Variants in IGSF3 observed in about 807,000 individuals in gnomAD.
IGSF3 encodes the protein glu-Trp-Ile EWI motif-containing protein 3.
A neutral mutation model predicts 114.4 loss-of-function variants in IGSF3; 23 were observed. That is an observed-to-expected ratio of 0.20 (90% confidence interval 0.14 to 0.28). IGSF3 has a LOEUF of 0.28. IGSF3 is among the 10% of genes least tolerant of loss of function. IGSF3 has a pLI of 1.00. For synonymous variants in IGSF3, 571 were observed against 645.2 expected, an observed-to-expected ratio of 0.88 and a Z score of 1.74; for missense variants, 1,172 against 1,591.5, an observed-to-expected ratio of 0.74 and a Z score of 4.48.
intron 4 of IGSF3, among the ~76,000 whole-genome samples, chr1:116,609,040 T>G (rs1293551227): frequency 6.6e-6 from 1 of 151,884 alleles, no homozygotes; most frequent in African/African-American, 2.4e-5. Context: ...AGTACTTACT[T>G]TAGTAGGAAA....
chr1:116,653,362 T>C (rs1395542154), intron 2 of IGSF3, among the ~76,000 whole-genome samples: 1 of 151,862 alleles, frequency 6.6e-6, no homozygotes, highest in Non-Finnish European at 1.5e-5. Flanking sequence ...AGGAGGCACA[T>C]ATAGTTCTGA....
chr1:116,628,986 A>G lies in IGSF3; in HGVS notation c.44-12529T>C, dbSNP rs1647430671. ...AATTCTGCAGCAGCCCAGAGAAGAC[A>G]ACTGGGAAACAGGGCCCTCGCAGAT... On this transcript the variant is annotated intron_variant, in intron 2 of 10. Coordinates refer to ENST00000369486, the MANE Select transcript of IGSF3 (RefSeq NM_001007237.3). This position sits in a 1 kb window ranked among gnomAD's most constrained non-coding sequence, Gnocchi z 4.2. Among the ~76,000 whole-genome samples, 1 of 152,196 alleles carries G rather than the reference A, an allele frequency of 6.6e-6. No individual in the cohort carries two copies. Among genetic ancestry groups the G allele is most frequent in the Non-Finnish European group, 1.5e-5 (1 of 68,040 alleles).
rs142821157 is a variant in IGSF3, at chr1:116,637,324, T to C, written c.44-20867A>G. 8.7e-3 allele frequency among the ~76,000 whole-genome samples: 1,324 copies of C among 152,286 alleles called. 23 individuals carry two copies. The highest frequency in any genetic ancestry group is 0.031 in the African/African-American group (1,269 of 41,544). ...CAGGACAACCCCAATCTCTTATTTA[T>C]TCAATGGACAACAGGTGAGCACATA... On this transcript the variant is annotated intron_variant, in intron 2 of 10. Transcript: ENST00000369486.
rs1659731881 is a variant in IGSF3 at position 116,584,547 on chromosome 1, A to G, written c.2848+98T>C. 1 of 1,215,714 alleles carries G rather than the reference A, an allele frequency of 8.2e-7. No individual in the cohort carries two copies. The highest frequency in any genetic ancestry group is 1.2e-6 in the Non-Finnish European group (1 of 850,544). The allele number at this position is 1,215,714 out of a possible 1,614,324, so 75.3% of individuals were successfully genotyped here. On this transcript the variant is annotated intron_variant, in intron 9 of 10. Coordinates refer to ENST00000369486, the MANE Select transcript of IGSF3 (RefSeq NM_001007237.3). This position sits in a 1 kb window ranked among gnomAD's most constrained non-coding sequence, Gnocchi z 5.8. Reference sequence around the variant, plus strand: ...TAGACACTCATATATTTAACTGCAAATAATTTATTAATAAACTAATTTTAT... The same window carrying G: ...TAGACACTCATATATTTAACTGCAAGTAATTTATTAATAAACTAATTTTAT...
chr1:116,614,198 G>A lies in IGSF3; in HGVS notation c.422-23C>T, dbSNP rs187348584. ...TCACTGCAACACAGAAATGTCCTGA[G>A]AGTGCAGTCACAAAGCCACAGAATC... On this transcript the variant is annotated intron_variant, in intron 3 of 10. Transcript: ENST00000369486. The surrounding 1 kb of genome is among the most constrained non-coding windows in gnomAD (Gnocchi z 4.5). The A allele has an allele frequency of 6.3e-7, 1 of 1,594,850 alleles. No homozygotes were observed. The highest frequency in any genetic ancestry group is 2.2e-5 in the East Asian group (1 of 44,514).
At chr1:116,617,052 G>A (rs1462266019) in intron 2 of IGSF3, among the ~76,000 whole-genome samples, 1 of 152,152 alleles carries the variant, frequency 6.6e-6, no homozygotes, top group East Asian at 1.9e-4. Context: ...AGCTCCTGCA[G>A]GCTGCTATCG....
chr1:116,654,891 T>A lies in IGSF3; in HGVS notation c.43+11393A>T, dbSNP rs1328436503. On this transcript the variant is annotated intron_variant, in intron 2 of 10. Coordinates refer to ENST00000369486, the MANE Select transcript of IGSF3 (RefSeq NM_001007237.3). This position sits in a 1 kb window ranked among gnomAD's most constrained non-coding sequence, Gnocchi z 4.4. ...AGAGCCCCCTCCCTTCTCCTCGCTC[T>A]CCCCTTATCACTGCTATTCATCATC... Among the ~76,000 whole-genome samples the A allele has an allele frequency of 1.3e-5, 2 of 152,092 alleles. No homozygotes were observed. The highest frequency in any genetic ancestry group is 2.4e-5 in the African/African-American group (1 of 41,406).
In IGSF3 at chr1:116,612,697, C is replaced by A. The variant is rs1053791700; in HGVS notation, c.832+1068G>T. Among the ~76,000 whole-genome samples, 26 of 152,368 alleles carry A rather than the reference C, an allele frequency of 1.7e-4. No individual in the cohort carries two copies. Among genetic ancestry groups the A allele is most frequent in the African/African-American group, 6.3e-4 (26 of 41,580 alleles). On this transcript the variant is annotated intron_variant, in intron 4 of 10. Transcript: ENST00000369486. The surrounding 1 kb of genome is among the most constrained non-coding windows in gnomAD (Gnocchi z 4.1). ...TTTCCCACAAGCCACACTCACTCAC[C>A]AGAACCACCACAGTCCTCACCAGAA...
Position 116,664,797 on chromosome 1 carries a change from C to T in IGSF3, c.43+1487G>A, listed in dbSNP as rs369107021. Among the ~76,000 whole-genome samples, 6 of 152,184 alleles carry T rather than the reference C, an allele frequency of 3.9e-5. No individual in the cohort carries two copies. Among genetic ancestry groups the T allele is most frequent in the South Asian group, 2.1e-4 (1 of 4,830 alleles). ...AAACTACCAGCAGGGTGTCTGCATG[C>T]GTTGGGTGGTAGGGCACTGGCGCTA... On this transcript the variant is annotated intron_variant, in intron 2 of 10. Transcript: ENST00000369486. This position sits in a 1 kb window ranked among gnomAD's most constrained non-coding sequence, Gnocchi z 4.6.
rs1649239102 is a variant in IGSF3, at chr1:116,664,323, G to A, written c.43+1961C>T. ...GAGGGAAAATGACAGCACCTGCCAG[G>A]TGCCAGGGCCCGAGCTCCACTCCAC... On this transcript the variant is annotated intron_variant, in intron 2 of 10. Coordinates refer to ENST00000369486, the MANE Select transcript of IGSF3 (RefSeq NM_001007237.3). This position sits in a 1 kb window ranked among gnomAD's most constrained non-coding sequence, Gnocchi z 4.6. 1.3e-5 allele frequency among the ~76,000 whole-genome samples: 2 copies of A among 152,192 alleles called. No homozygotes were observed. Among genetic ancestry groups the A allele is most frequent in the Admixed American group, 1.3e-4 (2 of 15,276 alleles).
At position 116,577,362 on chromosome 1, in the gene IGSF3, T is replaced by C. The variant is rs756267054; in HGVS notation, c.3535A>G (p.Thr1179Ala). 1 of 1,614,048 alleles carries C rather than the reference T, an allele frequency of 6.2e-7. No individual in the cohort carries two copies. Residue 1179 changes from threonine to alanine, a missense_variant, in exon 11 of 11, where the codon ACT (threonine) becomes GCT (alanine). Thr to Ala is a moderately conservative substitution (Grantham distance 58). Coordinates refer to ENST00000369486, the MANE Select transcript of IGSF3 (RefSeq NM_001007237.3). The surrounding 1 kb of genome is among the most constrained non-coding windows in gnomAD (Gnocchi z 5.7). ...CTGAGAACAGGGGGCTCCAGGCAAG[T>C]AGGGGAGTAGTTGAGGTGTGGCTCT... ...IKEPHLNYSPTCLEPPVLSIH... is the reference protein window; with the variant it reads ...IKEPHLNYSPACLEPPVLSIH...
intron 2 of IGSF3, among the ~76,000 whole-genome samples, chr1:116,622,071 A>G (rs1661438211): frequency 6.6e-6 from 1 of 152,196 alleles, no homozygotes; most frequent in Non-Finnish European, 1.5e-5. Context: ...GATCCAACTT[A>G]TATGTTCAAG....
rs1277256125 is a variant in IGSF3, at chr1:116,582,308, C to T, written c.2848+2337G>A. ...ATAAGCCATGGAAAGATGCCGACCT[C>T]TGCCCCTGCTGTCTGCGTGACACTA... On this transcript the variant is annotated intron_variant, in intron 9 of 10. Coordinates refer to ENST00000369486, the MANE Select transcript of IGSF3 (RefSeq NM_001007237.3). This position sits in a 1 kb window ranked among gnomAD's most constrained non-coding sequence, Gnocchi z 4.7. 6.6e-6 allele frequency among the ~76,000 whole-genome samples: 1 copy of T among 152,190 alleles called. No homozygotes were observed. Among genetic ancestry groups the T allele is most frequent in the Non-Finnish European group, 1.5e-5 (1 of 68,034 alleles).
intron 9 of IGSF3, among the ~76,000 whole-genome samples, chr1:116,580,579 A>C (rs967350756): frequency 3.3e-5 from 5 of 152,250 alleles, no homozygotes; most frequent in Non-Finnish European, 7.3e-5. Flanking sequence ...CCGAGGAAAG[A>C]CTATTCAAGG....
At chr1:116,578,335 G>A (rs951245300) in intron 10 of IGSF3, among the ~76,000 whole-genome samples, 1 of 152,174 alleles carries the variant, frequency 6.6e-6, no homozygotes, top group South Asian at 2.1e-4. Flanking sequence ...CTTTGTTTTC[G>A]CTTTGAGGCA....
rs2101030242 is a variant in IGSF3, at chr1:116,624,488, A to G, written c.44-8031T>C. 6.6e-6 allele frequency among the ~76,000 whole-genome samples: 1 copy of G among 152,370 alleles called. No homozygotes were observed. The highest frequency in any genetic ancestry group is 1.9e-4 in the East Asian group (1 of 5,188). Reference sequence around the variant, plus strand: ...AATTCCTGGCACACAATAAGTGCTCAATAAATGTTTAGCCACTAGTTGCAG... The same window carrying G: ...AATTCCTGGCACACAATAAGTGCTCGATAAATGTTTAGCCACTAGTTGCAG... On this transcript the variant is annotated intron_variant, in intron 2 of 10. Coordinates refer to ENST00000369486, the MANE Select transcript of IGSF3 (RefSeq NM_001007237.3). This position sits in a 1 kb window ranked among gnomAD's most constrained non-coding sequence, Gnocchi z 4.9.
chr1:116,617,317 T>C, intron 2 of IGSF3: 1 of 985,204 alleles, frequency 1.0e-6, no homozygotes, highest in Non-Finnish European at 1.2e-6. Flanking sequence ...GTGAGTTTAA[T>C]TTCTCATTTC....
intron 2 of IGSF3, chr1:116,617,251 C>A (rs1661257404): frequency 1.0e-6 from 1 of 958,874 alleles, no homozygotes; most frequent in African/African-American, 1.8e-5. Context: ...GGCTCAGATA[C>A]TGTTCTCCAA....
Position 116,616,474 on chromosome 1 carries a change from C to T in IGSF3, c.44-17G>A. ...ACACCACACCTACGAGGGAGAGAAA[C>T]ACACACAACATGCTTACTTACTTCT... On this transcript the variant is annotated splice_polypyrimidine_tract_variant and intron_variant, in intron 2 of 10. Coordinates refer to ENST00000369486, the MANE Select transcript of IGSF3 (RefSeq NM_001007237.3). This position sits in a 1 kb window ranked among gnomAD's most constrained non-coding sequence, Gnocchi z 6.6. The T allele has an allele frequency of 6.3e-7, 1 of 1,577,852 alleles. No homozygotes were observed. The highest frequency in any genetic ancestry group is 1.1e-5 in the South Asian group (1 of 87,278).
Sources: allele counts gnomAD v4.1 joint callset (sites outside exome capture counted in the v4.1 genomes callset), GRCh38; gene constraint gnomAD v4.1.1; non-coding constraint Gnocchi (gnomAD v3.1); transcripts MANE v1.5; gene names NCBI Gene and HGNC (gene_info 2026-07-23, HGNC 2026-07-21).